The following MBD2 variants were observed in gnomAD, a reference collection of about 807,000 sequenced individuals.
MBD2 encodes methyl-CpG binding domain protein 2.
A neutral mutation model predicts 39.3 loss-of-function variants in MBD2; 9 were observed. The ratio of observed to expected loss-of-function variants is 0.23; its 90% CI spans 0.14 to 0.40. The LOEUF is 0.40. Among genes scored for constraint, MBD2 ranks in the 10% least tolerant of loss-of-function variants. The probability of loss-of-function intolerance (pLI) is 1.00; values close to 1 mark genes in which losing one functional copy is unlikely to be tolerated. For missense variants in MBD2, 458 were observed against 532.6 expected (o/e 0.86, Z 1.38); for synonymous variants, 233 against 211.1 (o/e 1.10, Z -0.90).
intron 2 of MBD2, among the ~76,000 whole-genome samples, chr18:54,195,438 G>A (rs1428863580): frequency 2.0e-5 from 3 of 151,906 alleles, no homozygotes; most frequent in Admixed American, 6.6e-5. Context: ...TTATTCAAGC[G>A]TCATTTTAAT....
intron 6 of MBD2, among the ~76,000 whole-genome samples, chr18:54,157,354 A>T (rs1599071830): frequency 6.6e-6 from 1 of 151,352 alleles, no homozygotes; most frequent in Non-Finnish European, 1.5e-5. Context: ...TCCGCCTCCC[A>T]GGTTCAAGCG....
At chr18:54,159,658 A>C (rs1448642017) in intron 6 of MBD2, 107 bp downstream of exon 6, 1 of 1,250,240 alleles carries the variant, frequency 8.0e-7, no homozygotes, top group Non-Finnish European at 1.1e-6. Context: ...AGCTCAACTG[A>C]TCGCCCGCCT....
chr18:54,181,451 A>T lies in MBD2; in HGVS notation c.840+7423T>A, dbSNP rs1248826930. Among the ~76,000 whole-genome samples, 9 of 152,180 alleles carry T rather than the reference A, an allele frequency of 5.9e-5. No homozygotes were observed. In the East Asian group the frequency reaches 1.7e-3, roughly 29 times the overall value. On this transcript the variant is annotated intron_variant, in intron 3 of 6. Transcript: ENST00000256429. ...TATCATTCTCCCACTTTATTCTAAGATTCTTCATATAGGCAGAGCTGATAA... is the reference window on the plus strand; with the variant it reads ...TATCATTCTCCCACTTTATTCTAAGTTTCTTCATATAGGCAGAGCTGATAA...
intron 1 of MBD2, among the ~76,000 whole-genome samples, chr18:54,211,425 A>AC (rs2086506509): frequency 7.0e-6 from 1 of 143,266 alleles, no homozygotes; most frequent in Non-Finnish European, 1.5e-5. Context: ...GCACACACGC[A>AC]AGCACGCACG....
rs533746937 is a variant in MBD2, at chr18:54,153,286, C to T, written c.*2038G>A. On this transcript the variant is annotated 3_prime_UTR_variant, in exon 7 of 7. Coordinates refer to ENST00000256429, the MANE Select transcript of MBD2 (RefSeq NM_003927.5). Reference sequence around the variant, plus strand: ...AACTGGAGAAGATGGCTTGCTTTTACCAGAGTGAGGGAATGGAAGAGGGTG... The same window carrying T: ...AACTGGAGAAGATGGCTTGCTTTTATCAGAGTGAGGGAATGGAAGAGGGTG... 6.6e-6 allele frequency: 1 copy of T among 152,278 alleles called. No individual in the cohort carries two copies. The highest frequency in any genetic ancestry group is 6.5e-5 in the Admixed American group (1 of 15,278). 9.4% of individuals were successfully genotyped at this position (152,278 alleles called of 1,614,324 possible).
intron 3 of MBD2, among the ~76,000 whole-genome samples, chr18:54,173,148 T>C (rs2086189954): frequency 2.0e-5 from 3 of 152,172 alleles, no homozygotes; most frequent in Admixed American, 2.0e-4. Context: ...AGTTGGGGAT[T>C]TCTTGCTACT....
rs573949481 is a variant in MBD2 at position 54,184,764 on chromosome 18, T to C, written c.840+4110A>G. On this transcript the variant is annotated intron_variant, in intron 3 of 6. Coordinates refer to ENST00000256429, the MANE Select transcript of MBD2 (RefSeq NM_003927.5). ...CTAGCAACAGTAACCTCACTTTTCTTAAACACCTATAGCACTTGCCTGTAC... is the reference window on the plus strand; with the variant it reads ...CTAGCAACAGTAACCTCACTTTTCTCAAACACCTATAGCACTTGCCTGTAC... 1.6e-4 allele frequency among the ~76,000 whole-genome samples: 24 copies of C among 152,332 alleles called. No individual in the cohort carries two copies. The South Asian group carries it at 2.7e-3, about 17-fold the overall frequency.
chr18:54,187,292 CTAAT>C (rs1435822707), intron 3 of MBD2, among the ~76,000 whole-genome samples: 1 of 152,200 alleles, frequency 6.6e-6, no homozygotes, highest in Non-Finnish European at 1.5e-5. Flanking sequence ...AATGATATTA[CTAAT>C]TAAAGATTAC....
rs766526603 is a variant in MBD2, at chr18:54,205,120, C to A, written c.580G>T (p.Ala194Ser). The A allele has an allele frequency of 2.7e-5, 43 of 1,613,704 alleles. No homozygotes were observed. Among genetic ancestry groups the A allele is most frequent in the Non-Finnish European group, 3.3e-5 (39 of 1,179,922 alleles). ...GKKFRSKPQLARYLGNTVDLS... is the reference protein window; with the variant it reads ...GKKFRSKPQLSRYLGNTVDLS... ...TCAACAGTATTTCCCAGGTACCTTGCCAACTGAGGCTTGCTTCTGAACTTC... is the reference window on the plus strand; with the variant it reads ...TCAACAGTATTTCCCAGGTACCTTGACAACTGAGGCTTGCTTCTGAACTTC... The change falls in exon 2 of 7, where the codon GCA becomes TCA. Residue 194 changes from alanine to serine, a missense_variant. Physicochemically the swap from Ala to Ser is moderately conservative, Grantham distance 99 (BLOSUM62 1). Around this residue, in one of 2 missense-constraint regions of MBD2, gnomAD observed 189 missense variants for 296.6 expected, o/e 0.64. Coordinates refer to ENST00000256429, the MANE Select transcript of MBD2 (RefSeq NM_003927.5).
intron 2 of MBD2, among the ~76,000 whole-genome samples, chr18:54,197,800 T>C (rs768488964): frequency 1.3e-5 from 2 of 152,224 alleles, no homozygotes; most frequent in East Asian, 1.9e-4. Context: ...TCCTCACTTC[T>C]ACTTTTGATT....
At chr18:54,182,170 GAATA>G (rs1197953773) in intron 3 of MBD2, among the ~76,000 whole-genome samples, 11 of 152,058 alleles carry the variant, frequency 7.2e-5, no homozygotes, top group African/African-American at 2.7e-4. Flanking sequence ...TTGAATGAAT[GAATA>G]ATTTAATTCA....
intron 3 of MBD2, among the ~76,000 whole-genome samples, chr18:54,171,841 C>T (rs1020775829): frequency 2.0e-5 from 3 of 152,178 alleles, no homozygotes; most frequent in African/African-American, 7.2e-5. Context: ...GATAAAGAAA[C>T]GGAAGCATGG....
rs1466483663 is a variant in MBD2 at position 54,224,179 on chromosome 18, G to A, written c.381C>T (p.Val127=). 38 of 1,272,612 alleles carry A rather than the reference G, an allele frequency of 3.0e-5. No individual in the cohort carries two copies. The highest frequency in any genetic ancestry group is 3.7e-5 in the Non-Finnish European group (37 of 1,009,710). The allele number at this position is 1,272,612 out of a possible 1,614,324, so 78.8% of individuals were successfully genotyped here. A position where few individuals can be genotyped will look rare whatever the true frequency, so the allele number is the denominator to read the frequency against. The change falls in exon 1 of 7, where the codon GTC becomes GTT. Residue 127 remains valine, a synonymous_variant. Transcript: ENST00000256429. ...GGGGAPRREP[V]PFPSGSAGPG... ...GCCCCGCGCTCCCCGACGGGAAAGG[G>A]ACCGGCTCCCGCCGGGGGGCGCCGC...
chr18:54,159,971 A>T, intron 5 of MBD2, 68 bp from the exon 6 acceptor site: 1 of 1,515,676 alleles, frequency 6.6e-7, no homozygotes. Context: ...TCTGCTACAG[A>T]AGTTCATCCT....
At chr18:54,223,682 C>T (rs1343544153) in intron 1 of MBD2, among the ~76,000 whole-genome samples, 1 of 152,178 alleles carries the variant, frequency 6.6e-6, no homozygotes, top group African/African-American at 2.4e-5. Flanking sequence ...GGACAGGAGC[C>T]AACAGTGACT....
At position 54,188,878 on chromosome 18, in the gene MBD2, C is replaced by T; in HGVS notation, c.836G>A (p.Arg279His). The T allele has an allele frequency of 6.2e-7, 1 of 1,606,926 alleles. No homozygotes were observed. Among genetic ancestry groups the T allele is most frequent in the Non-Finnish European group, 8.5e-7 (1 of 1,175,574 alleles). The change falls in exon 3 of 7, where the codon CGT (arginine) becomes CAT (histidine). Residue 279 changes from arginine to histidine, a missense_variant. Arg to His is a conservative substitution (Grantham distance 29). Transcript: ENST00000256429. ...GAGAACGAATTAGATCCTTACCTGA[C>T]GTGGCTGTTCATTCATTCGTTGTGG... The part of the protein sequence containing the change: ...SDPQRMNEQP[R>H]QLFWEKRLQG...
chr18:54,217,359 T>G (rs1297649975), intron 1 of MBD2, among the ~76,000 whole-genome samples: 1 of 152,220 alleles, frequency 6.6e-6, no homozygotes, highest in Non-Finnish European at 1.5e-5. Flanking sequence ...TTTATTCTCC[T>G]TCCTTGGGAA....
At chr18:54,196,721 C>T (rs1158539882) in intron 2 of MBD2, among the ~76,000 whole-genome samples, 1 of 152,202 alleles carries the variant, frequency 6.6e-6, no homozygotes, top group Non-Finnish European at 1.5e-5. Flanking sequence ...GTCTCCGAAT[C>T]TCCCTTCATG....
chr18:54,223,891 A>T, intron 1 of MBD2, 127 bp downstream of exon 1: 1 of 744,194 alleles, frequency 1.3e-6, no homozygotes, highest in South Asian at 2.1e-5. Flanking sequence ...GCCACCTTCC[A>T]CCACCAAACC....
Sources: allele counts gnomAD v4.1 joint callset (sites outside exome capture counted in the v4.1 genomes callset), GRCh38; gene constraint gnomAD v4.1.1; regional missense constraint gnomAD v4.1.1; transcripts MANE v1.5; gene names NCBI Gene and HGNC (gene_info 2026-07-23, HGNC 2026-07-21).